POU2F2: variants seen among roughly 807,000 people sequenced by gnomAD.
POU2F2 encodes POU domain, class 2, transcription factor 2.
A neutral mutation model predicts 63.5 loss-of-function variants in POU2F2; 14 were observed. That is an observed-to-expected ratio of 0.22 (90% CI 0.15 to 0.34). The LOEUF is 0.34. Ranked by LOEUF, POU2F2 falls within the 10% of genes least tolerant of loss-of-function variation. The probability of loss-of-function intolerance (pLI) is 1.00; values close to 1 mark genes in which losing one functional copy is unlikely to be tolerated. For synonymous variants in POU2F2, 306 were observed against 348.6 expected (o/e 0.88, Z 1.36); for missense variants, 607 against 815.2 (o/e 0.74, Z 3.11).
intron 1 of POU2F2, among the ~76,000 whole-genome samples, chr19:42,165,031 T>C (rs1193295405): frequency 1.3e-5 from 2 of 152,204 alleles, no homozygotes; most frequent in Non-Finnish European, 2.9e-5. Context: ...ATGGTCATTT[T>C]CTTCTCATCT....
intron 2 of POU2F2, among the ~76,000 whole-genome samples, chr19:42,140,362 C>T (rs564629248): frequency 1.0e-3 from 157 of 152,352 alleles, no homozygotes; most frequent in African/African-American, 3.7e-3. Context: ...AAGCAAGAGC[C>T]CATGGCCTTG....
At chr19:42,127,061 T>A (rs976807111) in intron 1 of POU2F2, among the ~76,000 whole-genome samples, 1 of 151,806 alleles carries the variant, frequency 6.6e-6, no homozygotes, top group Non-Finnish European at 1.5e-5. Flanking sequence ...GGACTACAGG[T>A]GTGCACCACC....
chr19:42,115,798 T>C (rs2031772880), intron 5 of POU2F2, among the ~76,000 whole-genome samples: 1 of 152,224 alleles, frequency 6.6e-6, no homozygotes, highest in African/African-American at 2.4e-5. Flanking sequence ...AATGTGACCT[T>C]ATTTGGAAAT....
intron 1 of POU2F2, among the ~76,000 whole-genome samples, chr19:42,173,981 G>A (rs900903097): frequency 6.6e-6 from 1 of 152,162 alleles, no homozygotes; most frequent in African/African-American, 2.4e-5. Context: ...GACATGGGAC[G>A]CTTTGTTACT....
At chr19:42,196,090 C>T (rs116475314) in intron 1 of POU2F2, among the ~76,000 whole-genome samples, 2,875 of 152,192 alleles carry the variant, frequency 0.019, 88 homozygotes, top group African/African-American at 0.066. Context: ...TGGGCGGTGG[C>T]GGTGGTGATT....
At chr19:42,129,925 C>T (rs1005374071) in intron 1 of POU2F2, among the ~76,000 whole-genome samples, 4 of 152,194 alleles carry the variant, frequency 2.6e-5, no homozygotes, top group African/African-American at 4.8e-5. Flanking sequence ...GGCAAGGCCC[C>T]GGCCAACACA....
In POU2F2 at chr19:42,162,137, C is replaced by A. The variant is rs1464968018; in HGVS notation, c.-69-1745G>T. On this transcript the variant is annotated intron_variant, in intron 1 of 6. Coordinates refer to the POU2F2 transcript ENST00000524801. The surrounding 1 kb of genome is among the most constrained non-coding windows in gnomAD (Gnocchi z 4.1). ...GCGCCTTAGGGCTGGGGTCTTCCCC[C>A]AGGCAGTGCCCCCACCTTGGGCTTC... 6.6e-6 allele frequency among the ~76,000 whole-genome samples: 1 copy of A among 152,142 alleles called. No individual in the cohort carries two copies. Among genetic ancestry groups the A allele is most frequent in the Non-Finnish European group, 1.5e-5 (1 of 68,014 alleles).
Position 42,163,888 on chromosome 19 carries a change from AT to A in POU2F2, c.-69-3497del, listed in dbSNP as rs931790187. Among the ~76,000 whole-genome samples, 82 of 151,896 alleles carry A rather than the reference AT, an allele frequency of 5.4e-4. No homozygotes were observed. In the East Asian group the frequency reaches 0.012, roughly 22 times the overall value. ...GTTGTTGAAAACATGTTTGAAATAA[AT>A]TTTTTTTTACACTTCTCTCAGCTCA... is the stretch of plus-strand genomic sequence containing the variant. On this transcript the variant is annotated intron_variant, in intron 1 of 6. Transcript: ENST00000524801.
chr19:42,125,879 G>C (rs1427776232), intron 1 of POU2F2, among the ~76,000 whole-genome samples: 1 of 152,140 alleles, frequency 6.6e-6, no homozygotes, highest in Non-Finnish European at 1.5e-5. Context: ...CTTGACAGCA[G>C]GCTGTGCAGG....
rs1012731358 is a variant in POU2F2, at chr19:42,086,161, C to G, written c.*5096G>C. 2 of 151,970 alleles carry G rather than the reference C, an allele frequency of 1.3e-5. No homozygotes were observed. Among genetic ancestry groups the G allele is most frequent in the Non-Finnish European group, 2.9e-5 (2 of 68,008 alleles). 9.4% of individuals were successfully genotyped at this position (151,970 alleles called of 1,614,324 possible). A position where few individuals can be genotyped will look rare whatever the true frequency, so the allele number is the denominator to read the frequency against. On this transcript the variant is annotated 3_prime_UTR_variant, in exon 15 of 15. Transcript: ENST00000692977. The stretch of plus-strand genomic sequence containing the variant: ...TTTTTATTTTTTGATGTTTGTTGTT[C>G]AGATGAATGACACACTCAAGTTACA...
At chr19:42,107,110 G>A (rs1380107829) in intron 5 of POU2F2, among the ~76,000 whole-genome samples, 5 of 151,868 alleles carry the variant, frequency 3.3e-5, no homozygotes, top group African/African-American at 1.2e-4. Context: ...CATTTTGGAA[G>A]GCCAAGGCGG....
rs1330833304 is a variant in POU2F2, at chr19:42,155,279, C to T, written c.-9+5053G>A. On this transcript the variant is annotated intron_variant, in intron 2 of 6. Coordinates refer to the POU2F2 transcript ENST00000524801. This position sits in a 1 kb window ranked among gnomAD's most constrained non-coding sequence, Gnocchi z 4.2. ...TGTTCCTTTCTGTCTCTGAGTCCCT[C>T]ACTCTGCTTTCCTGCCTCTGACTTT... 1.3e-5 allele frequency among the ~76,000 whole-genome samples: 2 copies of T among 152,230 alleles called. No individual in the cohort carries two copies. The highest frequency in any genetic ancestry group is 2.9e-5 in the Non-Finnish European group (2 of 68,038).
chr19:42,119,192 C>T (rs2146592356), intron 4 of POU2F2, among the ~76,000 whole-genome samples: 1 of 151,470 alleles, frequency 6.6e-6, no homozygotes, highest in Admixed American at 6.6e-5. Flanking sequence ...TGAAATGACA[C>T]TGAGTATGAG....
In POU2F2 at chr19:42,087,580, A is replaced by G. The variant is rs2076588809; in HGVS notation, c.*3677T>C. On this transcript the variant is annotated 3_prime_UTR_variant, in exon 15 of 15. Transcript: ENST00000692977. The stretch of plus-strand genomic sequence containing the variant: ...AGAAGAGAACAGAGAGAGGTGGTTT[A>G]GTTACTGGCATCAATTTTTTTTTTT... The G allele has an allele frequency of 1.1e-5, 1 of 91,780 alleles. No individual in the cohort carries two copies. Among genetic ancestry groups the G allele is most frequent in the South Asian group, 4.0e-4 (1 of 2,496 alleles). 5.7% of individuals were successfully genotyped at this position (91,780 alleles called of 1,614,324 possible).
intron 5 of POU2F2, among the ~76,000 whole-genome samples, chr19:42,114,254 G>A (rs1427695139): frequency 6.6e-6 from 1 of 152,082 alleles, no homozygotes; most frequent in East Asian, 1.9e-4. Flanking sequence ...GGCTGGGTCT[G>A]CGCTAGGCTG....
intron 1 of POU2F2, among the ~76,000 whole-genome samples, chr19:42,187,816 A>G (rs1026754415): frequency 6.6e-6 from 1 of 150,824 alleles, no homozygotes; most frequent in African/African-American, 2.4e-5. Context: ...TAAATGGACC[A>G]CAGAAGAAGC....
At chr19:42,132,095 G>A (rs1416778349) in intron 1 of POU2F2, among the ~76,000 whole-genome samples, 2 of 152,142 alleles carry the variant, frequency 1.3e-5, no homozygotes, top group African/African-American at 4.8e-5. Context: ...TTCTCCACAT[G>A]AGGGCCCGCT....
At chr19:42,106,348 T>C (rs1181592886) in intron 5 of POU2F2, among the ~76,000 whole-genome samples, 1 of 152,154 alleles carries the variant, frequency 6.6e-6, no homozygotes, top group Admixed American at 6.6e-5. Context: ...CGACCTCAGA[T>C]GATCCACCCA....
At chr19:42,197,515 C>T (rs765602178), upstream of POU2F2, among the ~76,000 whole-genome samples, 8 of 152,164 alleles carry the variant, frequency 5.3e-5, no homozygotes, top group Admixed American at 1.3e-4. Context: ...CAGGGGCACC[C>T]ATCCCTGCAA....
Sources: allele counts gnomAD v4.1 joint callset (sites outside exome capture counted in the v4.1 genomes callset), GRCh38; gene constraint gnomAD v4.1.1; non-coding constraint Gnocchi (gnomAD v3.1); transcripts MANE v1.5; gene names NCBI Gene and HGNC (gene_info 2026-07-23, HGNC 2026-07-21).